Variants in TCF7L1 observed in about 807,000 individuals in gnomAD.
TCF7L1 encodes the protein transcription factor 7 like 1.
TCF7L1 carries 18 observed loss-of-function variants against 63.7 expected under a neutral mutation model. The observed-to-expected ratio is 0.28, with a 90% confidence interval of 0.20 to 0.42. TCF7L1 has a LOEUF of 0.42. Ranked by LOEUF, TCF7L1 falls within the 10% of genes least tolerant of loss-of-function variation. The pLI is 1.00. For synonymous variants in TCF7L1, 355 were observed against 340.9 expected, an observed-to-expected ratio of 1.04 and a Z score of -0.46; for missense variants, 654 against 779.3, an observed-to-expected ratio of 0.84 and a Z score of 1.91.
At chr2:85,196,045 C>T (rs1679147410) in intron 3 of TCF7L1, among the ~76,000 whole-genome samples, 1 of 152,098 alleles carries the variant, frequency 6.6e-6, no homozygotes, top group Admixed American at 6.5e-5. Flanking sequence ...CCAGTCTGCA[C>T]CCACAATAGT....
At chr2:85,163,647 AAACAACAGAAAG>A (rs1370857015) in intron 3 of TCF7L1, among the ~76,000 whole-genome samples, 2 of 152,190 alleles carry the variant, frequency 1.3e-5, no homozygotes, top group Admixed American at 1.3e-4. Context: ...TAGGAGGCTT[AAACAACAGAAAG>A]AGTCATTGTC....
intron 3 of TCF7L1, among the ~76,000 whole-genome samples, chr2:85,216,022 G>C (rs1029862268): frequency 1.3e-5 from 2 of 152,194 alleles, no homozygotes; most frequent in Non-Finnish European, 2.9e-5. Flanking sequence ...CTGGGCGGGG[G>C]ACAATCTCCC....
intron 3 of TCF7L1, among the ~76,000 whole-genome samples, chr2:85,249,785 G>A (rs1680550596): frequency 6.6e-6 from 1 of 152,186 alleles, no homozygotes; most frequent in Non-Finnish European, 1.5e-5. Flanking sequence ...TGGGCTCTGT[G>A]GGGTGGGGAA....
chr2:85,144,791 TC>T (rs1677837764), intron 3 of TCF7L1, among the ~76,000 whole-genome samples: 1 of 149,452 alleles, frequency 6.7e-6, no homozygotes, highest in Non-Finnish European at 1.5e-5. Flanking sequence ...TGGTTAGAAA[TC>T]ATGAAACTCC....
chr2:85,208,177 A>T (rs1309742932), intron 3 of TCF7L1, among the ~76,000 whole-genome samples: 1 of 152,140 alleles, frequency 6.6e-6, no homozygotes, highest in Admixed American at 6.5e-5. Flanking sequence ...AAGTGCTGGG[A>T]TTACAAGTGT....
intron 3 of TCF7L1, among the ~76,000 whole-genome samples, chr2:85,240,312 G>A (rs140849751): frequency 2.6e-5 from 4 of 152,230 alleles, no homozygotes; most frequent in Admixed American, 1.3e-4. Context: ...AGAGGAAGCC[G>A]GGGGACTGCT....
chr2:85,168,224 A>ACACACAC (rs1558622099), intron 3 of TCF7L1, among the ~76,000 whole-genome samples: 7 of 96,340 alleles, frequency 7.3e-5, no homozygotes. Context: ...CACACACACA[A>ACACACAC]AGGGACACAA....
intron 3 of TCF7L1, among the ~76,000 whole-genome samples, chr2:85,270,883 G>A (rs1573018787): frequency 6.6e-6 from 1 of 151,440 alleles, no homozygotes; most frequent in African/African-American, 2.4e-5. Context: ...GTAGAGACGG[G>A]GTCTCATCTA....
At chr2:85,270,705 T>A (rs1249166070) in intron 3 of TCF7L1, among the ~76,000 whole-genome samples, 1 of 152,144 alleles carries the variant, frequency 6.6e-6, no homozygotes, top group Non-Finnish European at 1.5e-5. Context: ...TATTTTTTAT[T>A]TAGAGACAGA....
chr2:85,267,770 T>C (rs377506446), intron 3 of TCF7L1, among the ~76,000 whole-genome samples: 3 of 152,196 alleles, frequency 2.0e-5, no homozygotes, highest in East Asian at 3.9e-4. Context: ...CATCAACTTA[T>C]AAGGCTGTGG....
At chr2:85,146,497 C>CTTTT (rs554058692) in intron 3 of TCF7L1, among the ~76,000 whole-genome samples, 280 of 103,546 alleles carry the variant, frequency 2.7e-3, no homozygotes, top group Non-Finnish European at 3.6e-3. Context: ...TTCTTTCTTT[C>CTTTT]TTTTTTTTTT....
intron 3 of TCF7L1, among the ~76,000 whole-genome samples, chr2:85,224,661 T>A (rs991660486): frequency 6.6e-6 from 1 of 152,226 alleles, no homozygotes; most frequent in African/African-American, 2.4e-5. Context: ...TTTGTTTAAG[T>A]TCTTTGTAGA....
intron 3 of TCF7L1, among the ~76,000 whole-genome samples, chr2:85,283,265 T>TCCGC (rs1553406717): frequency 9.1e-6 from 1 of 109,748 alleles, no homozygotes; most frequent in Non-Finnish European, 2.2e-5. Context: ...GTCATTCGTG[T>TCCGC]CCCCCCCCCC....
At chr2:85,302,060 A>G (rs1573033699) in intron 4 of TCF7L1, among the ~76,000 whole-genome samples, 1 of 152,160 alleles carries the variant, frequency 6.6e-6, no homozygotes, top group African/African-American at 2.4e-5. Context: ...TCCGGGAGGC[A>G]GAGGCTGCAG....
At chr2:85,259,167 G>A (rs970817068) in intron 3 of TCF7L1, among the ~76,000 whole-genome samples, 1 of 152,238 alleles carries the variant, frequency 6.6e-6, no homozygotes, top group African/African-American at 2.4e-5. Flanking sequence ...TGGATGCACA[G>A]TGAGTATTTG....
chr2:85,155,000 A>T (rs1678112048), intron 3 of TCF7L1, among the ~76,000 whole-genome samples: 1 of 152,086 alleles, frequency 6.6e-6, no homozygotes, highest in South Asian at 2.1e-4. Context: ...TATTTTTAGT[A>T]AAGACGGGGT....
chr2:85,182,515 T>C (rs545852336), intron 3 of TCF7L1, among the ~76,000 whole-genome samples: 52 of 152,232 alleles, frequency 3.4e-4, no homozygotes, highest in African/African-American at 1.2e-3. Flanking sequence ...AGGTTCCCGG[T>C]CAGGCTGTTC....
At chr2:85,180,057 C>T (rs917656768) in intron 3 of TCF7L1, among the ~76,000 whole-genome samples, 5 of 151,776 alleles carry the variant, frequency 3.3e-5, no homozygotes, top group African/African-American at 9.7e-5. Context: ...GTGGCTTAGC[C>T]GGGTCCTGGG....
chr2:85,302,345 C>A, intron 4 of TCF7L1, 139 bp from the exon 5 acceptor site: 1 of 1,180,350 alleles, frequency 8.5e-7, no homozygotes, highest in Non-Finnish European at 1.2e-6. Flanking sequence ...CCACTGCTGT[C>A]ATCTCTCAGG....
Sources: gnomAD v4.1 joint callset for allele counts (sites outside exome capture counted in the v4.1 genomes callset) on GRCh38, gnomAD v4.1.1 for gene constraint, MANE v1.5 for transcripts, NCBI Gene and HGNC (gene_info 2026-07-23, HGNC 2026-07-21) for gene names.